Variants in IQCH observed in about 807,000 individuals in gnomAD.
The protein encoded by IQCH is IQ domain-containing protein H.
A neutral mutation model predicts 117.0 loss-of-function variants in IQCH; 98 were observed. The ratio of observed to expected loss-of-function variants is 0.84; its 90% CI spans 0.71 to 0.99. The LOEUF is 0.99. IQCH is among the 50% of genes least tolerant of loss of function. The pLI, the probability that IQCH is intolerant of heterozygous loss-of-function variation, is 0.00. For synonymous variants in IQCH, 412 were observed against 448.2 expected, an observed-to-expected ratio of 0.92 and a Z score of 1.02; for missense variants, 1,102 against 1,243.8, an observed-to-expected ratio of 0.89 and a Z score of 1.72.
chr15:67,266,244 A>G (rs1965663754), intron 3 of IQCH, among the ~76,000 whole-genome samples: 1 of 152,106 alleles, frequency 6.6e-6, no homozygotes, highest in Non-Finnish European at 1.5e-5. Context: ...AATTTTTAAA[A>G]TTGTATGAAT....
chr15:67,260,695 G>T (rs539025810), intron 1 of IQCH, among the ~76,000 whole-genome samples: 1 of 152,292 alleles, frequency 6.6e-6, no homozygotes, highest in Admixed American at 6.5e-5. Flanking sequence ...TATTTGAGTT[G>T]CAGTGTTATC....
chr15:67,328,333 T>C (rs1401610454), intron 4 of IQCH, among the ~76,000 whole-genome samples: 6 of 152,188 alleles, frequency 3.9e-5, no homozygotes, highest in South Asian at 2.1e-4. Flanking sequence ...TCCCGGAAAG[T>C]CTTAAGTGAT....
chr15:67,497,262 T>C (rs1596504902), intron 20 of IQCH, among the ~76,000 whole-genome samples: 2 of 151,138 alleles, frequency 1.3e-5, no homozygotes, highest in East Asian at 3.9e-4. Context: ...GTCAGGTAGG[T>C]TGAGGCTGCA....
rs1343347782 is a variant in IQCH at position 67,445,002 on chromosome 15, G to A, written c.2506-20125G>A. 6.6e-6 allele frequency among the ~76,000 whole-genome samples: 1 copy of A among 152,098 alleles called. No individual in the cohort carries two copies. Among genetic ancestry groups the A allele is most frequent in the Non-Finnish European group, 1.5e-5 (1 of 68,014 alleles). Reference sequence around the variant, plus strand: ...CCACTATAGTAATATTTATTTTTAAGAGCCCTTCTGTCATTTTAAATTATT... The same window carrying A: ...CCACTATAGTAATATTTATTTTTAAAAGCCCTTCTGTCATTTTAAATTATT... On this transcript the variant is annotated intron_variant, in intron 16 of 20. Coordinates refer to ENST00000335894, the MANE Select transcript of IQCH (RefSeq NM_001031715.3). This position sits in a 1 kb window ranked among gnomAD's most constrained non-coding sequence, Gnocchi z 4.3.
intron 4 of IQCH, among the ~76,000 whole-genome samples, chr15:67,322,867 G>A (rs1968204331): frequency 1.3e-5 from 2 of 152,202 alleles, no homozygotes; most frequent in African/African-American, 4.8e-5. Flanking sequence ...TCAGAATGGG[G>A]AGTGTGTGCT....
Position 67,413,693 on chromosome 15 carries a change from G to T in IQCH, c.2098-3238G>T, listed in dbSNP as rs1030190253. 3.3e-5 allele frequency among the ~76,000 whole-genome samples: 5 copies of T among 152,014 alleles called. No homozygotes were observed. Among genetic ancestry groups the T allele is most frequent in the Admixed American group, 3.3e-4 (5 of 15,262 alleles). ...CTTACCTCGCATTATTCCTCTCCAT[G>T]CCTTTTTTCTTAGAGAATGAATCAT... On this transcript the variant is annotated intron_variant, in intron 14 of 20. Coordinates refer to ENST00000335894, the MANE Select transcript of IQCH (RefSeq NM_001031715.3). This position sits in a 1 kb window ranked among gnomAD's most constrained non-coding sequence, Gnocchi z 5.0.
chr15:67,334,830 C>T (rs968405880), intron 4 of IQCH, among the ~76,000 whole-genome samples: 1 of 152,164 alleles, frequency 6.6e-6, no homozygotes, highest in Non-Finnish European at 1.5e-5. Context: ...TTCCATTGCT[C>T]ATGAAATTTA....
chr15:67,472,521 A>C lies in IQCH; in HGVS notation c.2677-3175A>C, dbSNP rs770780445. Among the ~76,000 whole-genome samples, 29 of 152,328 alleles carry C rather than the reference A, an allele frequency of 1.9e-4. No homozygotes were observed. Among genetic ancestry groups the C allele is most frequent in the Middle Eastern group, 6.8e-3 (2 of 294 alleles). ...GAGTAGGGGAAAAAACAGCCTGGGA[A>C]GTTACATTTATTGTAGATCCAAAAT... On this transcript the variant is annotated intron_variant, in intron 17 of 20. Coordinates refer to ENST00000335894, the MANE Select transcript of IQCH (RefSeq NM_001031715.3). This position sits in a 1 kb window ranked among gnomAD's most constrained non-coding sequence, Gnocchi z 4.3.
chr15:67,340,909 T>A (rs947373620), intron 5 of IQCH, among the ~76,000 whole-genome samples: 8 of 152,112 alleles, frequency 5.3e-5, no homozygotes, highest in African/African-American at 7.2e-5. Context: ...CAGCCACAGA[T>A]AGAGAATAAA....
Position 67,494,050 on chromosome 15 carries a change from T to G in IQCH, c.2862-208T>G, listed in dbSNP as rs2083737311. Among the ~76,000 whole-genome samples the G allele has an allele frequency of 6.6e-6, 1 of 152,252 alleles. No homozygotes were observed. The highest frequency in any genetic ancestry group is 1.5e-5 in the Non-Finnish European group (1 of 68,046). Reference sequence around the variant, plus strand: ...TATTGGTATATTCTGCTAAGTTGATTAATAAAAAATATTTATTACGCAAAT... The same window carrying G: ...TATTGGTATATTCTGCTAAGTTGATGAATAAAAAATATTTATTACGCAAAT... On this transcript the variant is annotated intron_variant, in intron 19 of 20. Transcript: ENST00000335894. The surrounding 1 kb of genome is among the most constrained non-coding windows in gnomAD (Gnocchi z 5.5).
At chr15:67,452,306 T>G (rs1291317242) in intron 16 of IQCH, among the ~76,000 whole-genome samples, 5 of 152,200 alleles carry the variant, frequency 3.3e-5, no homozygotes, top group Admixed American at 2.6e-4. Context: ...GTTGATGCAG[T>G]TTCTTCCTGG....
chr15:67,416,599 G>A lies in IQCH; in HGVS notation c.2098-332G>A, dbSNP rs1725629728. On this transcript the variant is annotated intron_variant, in intron 14 of 20. Coordinates refer to ENST00000335894, the MANE Select transcript of IQCH (RefSeq NM_001031715.3). The surrounding 1 kb of genome is among the most constrained non-coding windows in gnomAD (Gnocchi z 5.1). ...TTATATAAAGGGAAACTGAGGCCCA[G>A]AATGAGAAAAGATATTGCCCAAGGA... 6.6e-6 allele frequency among the ~76,000 whole-genome samples: 1 copy of A among 152,004 alleles called. No homozygotes were observed. Among genetic ancestry groups the A allele is most frequent in the Non-Finnish European group, 1.5e-5 (1 of 67,992 alleles).
chr15:67,458,174 T>C lies in IQCH; in HGVS notation c.2506-6953T>C, dbSNP rs1319302029. Reference sequence around the variant, plus strand: ...TTTCAACCCACCCTCTATAACATGCTGTAACAAAGGCATCTCAAACTTAAC... The same window carrying C: ...TTTCAACCCACCCTCTATAACATGCCGTAACAAAGGCATCTCAAACTTAAC... On this transcript the variant is annotated intron_variant, in intron 16 of 20. Coordinates refer to ENST00000335894, the MANE Select transcript of IQCH (RefSeq NM_001031715.3). The surrounding 1 kb of genome is among the most constrained non-coding windows in gnomAD (Gnocchi z 4.1). 6.6e-6 allele frequency among the ~76,000 whole-genome samples: 1 copy of C among 152,240 alleles called. No homozygotes were observed. The highest frequency in any genetic ancestry group is 2.4e-5 in the African/African-American group (1 of 41,458).
chr15:67,386,256 A>G lies in IQCH; in HGVS notation c.1456+1237A>G, dbSNP rs898403311. On this transcript the variant is annotated intron_variant, in intron 11 of 20. Transcript: ENST00000335894. This position sits in a 1 kb window ranked among gnomAD's most constrained non-coding sequence, Gnocchi z 5.0. ...TCTCTTTCTATATATAGTATAAGCC[A>G]TCACGAAATAATTTCTTTATAAAAG... 6.6e-6 allele frequency among the ~76,000 whole-genome samples: 1 copy of G among 152,204 alleles called. No individual in the cohort carries two copies. The highest frequency in any genetic ancestry group is 2.4e-5 in the African/African-American group (1 of 41,446).
chr15:67,455,827 T>G lies in IQCH; in HGVS notation c.2506-9300T>G, dbSNP rs569561205. ...AGAGGGAGAATAACTATCTACAGTA[T>G]GGGATTACTATATTGAATTGCCGTG... On this transcript the variant is annotated intron_variant, in intron 16 of 20. Coordinates refer to ENST00000335894, the MANE Select transcript of IQCH (RefSeq NM_001031715.3). Among the ~76,000 whole-genome samples, 9 of 152,354 alleles carry G rather than the reference T, an allele frequency of 5.9e-5. No homozygotes were observed. In the South Asian group the frequency reaches 1.9e-3, roughly 32 times the overall value.
rs1184060578 is a variant in IQCH at position 67,459,231 on chromosome 15, T to C, written c.2506-5896T>C. Among the ~76,000 whole-genome samples the C allele has an allele frequency of 6.6e-6, 1 of 152,160 alleles. No individual in the cohort carries two copies. The highest frequency in any genetic ancestry group is 2.4e-5 in the African/African-American group (1 of 41,424). On this transcript the variant is annotated intron_variant, in intron 16 of 20. Coordinates refer to ENST00000335894, the MANE Select transcript of IQCH (RefSeq NM_001031715.3). This position sits in a 1 kb window ranked among gnomAD's most constrained non-coding sequence, Gnocchi z 4.2. Reference sequence around the variant, plus strand: ...AGAGGAAGAAGACGATAAGAAAACTTAGAGATGAGTCTGCAGAGCATCTTT... The same window carrying C: ...AGAGGAAGAAGACGATAAGAAAACTCAGAGATGAGTCTGCAGAGCATCTTT...
At chr15:67,336,314 TA>T (rs1322284205) in intron 4 of IQCH, among the ~76,000 whole-genome samples, 1 of 152,126 alleles carries the variant, frequency 6.6e-6, no homozygotes, top group Non-Finnish European at 1.5e-5. Context: ...ACGATAAAGG[TA>T]AAAATAGTAT....
At chr15:67,421,924 CCCTGT>C (rs1178939919) in intron 16 of IQCH, among the ~76,000 whole-genome samples, 1 of 152,124 alleles carries the variant, frequency 6.6e-6, no homozygotes. Context: ...CATGGAGAAA[CCCTGT>C]CTCTACTAAA....
At chr15:67,483,954 G>A (rs936747123) in intron 18 of IQCH, among the ~76,000 whole-genome samples, 1 of 152,220 alleles carries the variant, frequency 6.6e-6, no homozygotes, top group African/African-American at 2.4e-5. Context: ...TTCATGTCCT[G>A]CTAAATTGAA....
Sources: gnomAD v4.1 joint callset for allele counts (sites outside exome capture counted in the v4.1 genomes callset) on GRCh38, gnomAD v4.1.1 for gene constraint, Gnocchi (gnomAD v3.1) non-coding constraint, MANE v1.5 for transcripts, NCBI Gene and HGNC (gene_info 2026-07-23, HGNC 2026-07-21) for gene names.